ADAMTSL1: variants seen among roughly 807,000 people sequenced by gnomAD.
ADAMTSL1 encodes ADAMTS like 1.
Under a neutral mutation model 201.8 loss-of-function variants are expected in ADAMTSL1, and 126 were observed. That is an observed-to-expected ratio of 0.62 (90% confidence interval 0.54 to 0.72). ADAMTSL1 has a LOEUF of 0.72. Among genes scored for constraint, ADAMTSL1 ranks in the 30% least tolerant of loss-of-function variants. The probability of loss-of-function intolerance (pLI) is 0.00; values close to 1 mark genes in which losing one functional copy is unlikely to be tolerated. For missense variants in ADAMTSL1, 2,679 were observed against 2,277.8 expected, an observed-to-expected ratio of 1.18 and a Z score of -3.59; for synonymous variants, 1,121 against 903.4, an observed-to-expected ratio of 1.24 and a Z score of -4.32.
intron 15 of ADAMTSL1, among the ~76,000 whole-genome samples, chr9:18,738,192 T>G (rs1473033438): frequency 6.6e-6 from 1 of 152,222 alleles, no homozygotes; most frequent in Non-Finnish European, 1.5e-5. Flanking sequence ...TATTTTTCAC[T>G]AGGATAAGAA....
intron 24 of ADAMTSL1, among the ~76,000 whole-genome samples, chr9:18,889,080 ACT>A (rs1351040898): frequency 6.6e-6 from 1 of 152,120 alleles, no homozygotes; most frequent in Admixed American, 6.5e-5. Context: ...GTAAATAAGC[ACT>A]CTCTGCATAG....
At chr9:18,254,806 A>G (rs1293053523) in intron 2 of ADAMTSL1, among the ~76,000 whole-genome samples, 3 of 152,118 alleles carry the variant, frequency 2.0e-5, no homozygotes, top group Non-Finnish European at 4.4e-5. Flanking sequence ...TGTGGCAAGA[A>G]GGGGAAAATT....
chr9:18,496,245 G>C (rs181175661), intron 1 of ADAMTSL1, among the ~76,000 whole-genome samples: 1 of 152,172 alleles, frequency 6.6e-6, no homozygotes, highest in African/African-American at 2.4e-5. Context: ...GCAATACTAA[G>C]AGCTTATCAT....
intron 2 of ADAMTSL1, among the ~76,000 whole-genome samples, chr9:18,218,199 A>G (rs376236627): frequency 4.6e-5 from 7 of 152,328 alleles, no homozygotes; most frequent in Non-Finnish European, 5.9e-5. Flanking sequence ...AATATTGTAA[A>G]TGAGATTTGC....
chr9:18,174,157 G>C lies in ADAMTSL1; in HGVS notation c.207+10176G>C, dbSNP rs566284643. On this transcript the variant is annotated intron_variant, in intron 2 of 29. Coordinates refer to the ADAMTSL1 transcript ENST00000680146. The stretch of plus-strand genomic sequence containing the variant: ...CCAAAGAATAGTTTATTGCTTCCCT[G>C]TACTAAATGTCCTTAATATAAAGAG... 3.3e-5 allele frequency among the ~76,000 whole-genome samples: 5 copies of C among 152,192 alleles called. No homozygotes were observed. In the East Asian group the frequency reaches 9.7e-4, roughly 29 times the overall value.
At chr9:18,190,429 A>G (rs1828924521) in intron 2 of ADAMTSL1, among the ~76,000 whole-genome samples, 1 of 152,096 alleles carries the variant, frequency 6.6e-6, no homozygotes, top group African/African-American at 2.4e-5. Flanking sequence ...TGACCAGCAC[A>G]CTCTTGTACT....
intron 23 of ADAMTSL1, among the ~76,000 whole-genome samples, chr9:18,860,038 G>C (rs897840682): frequency 1.3e-5 from 2 of 152,224 alleles, no homozygotes; most frequent in Non-Finnish European, 2.9e-5. Flanking sequence ...TGATTGGAAA[G>C]AGAGACATTC....
intron 1 of ADAMTSL1, among the ~76,000 whole-genome samples, chr9:17,922,067 A>C (rs1826323591): frequency 1.4e-5 from 2 of 142,146 alleles, no homozygotes; most frequent in African/African-American, 5.2e-5. Flanking sequence ...GTATTCTCTA[A>C]GGTGTGATTG....
chr9:18,613,195 T>G (rs1825490492), intron 4 of ADAMTSL1, among the ~76,000 whole-genome samples: 1 of 152,144 alleles, frequency 6.6e-6, no homozygotes, highest in African/African-American at 2.4e-5. Flanking sequence ...TAGCTATTAT[T>G]AGAAGGTCAA....
intron 2 of ADAMTSL1, among the ~76,000 whole-genome samples, chr9:18,258,407 A>G (rs1259071013): frequency 6.6e-6 from 1 of 152,202 alleles, no homozygotes; most frequent in East Asian, 1.9e-4. Context: ...TCTGAGCCAG[A>G]AAGCCACATA....
At chr9:18,370,813 C>A (rs1448769283) in intron 2 of ADAMTSL1, among the ~76,000 whole-genome samples, 1 of 151,508 alleles carries the variant, frequency 6.6e-6, no homozygotes, top group East Asian at 1.9e-4. Context: ...TTGATATTAC[C>A]CTTGCTTTTT....
chr9:18,040,666 A>G (rs1328884497), intron 1 of ADAMTSL1, among the ~76,000 whole-genome samples: 2 of 152,218 alleles, frequency 1.3e-5, no homozygotes, highest in Non-Finnish European at 1.5e-5. Context: ...ATCTATGCAG[A>G]CAGAATTATT....
chr9:18,576,434 G>A (rs1822729877), intron 4 of ADAMTSL1, among the ~76,000 whole-genome samples: 2 of 152,266 alleles, frequency 1.3e-5, no homozygotes, highest in Admixed American at 1.3e-4. Context: ...GAAAATGACA[G>A]CATAGCTATA....
intron 4 of ADAMTSL1, among the ~76,000 whole-genome samples, chr9:18,615,333 G>A (rs979375522): frequency 6.6e-6 from 1 of 152,228 alleles, no homozygotes; most frequent in Admixed American, 6.5e-5. Flanking sequence ...GGGAGGGGTA[G>A]GAGGTGACCG....
intron 4 of ADAMTSL1, among the ~76,000 whole-genome samples, chr9:18,604,356 T>C (rs1824867870): frequency 6.6e-6 from 1 of 152,222 alleles, no homozygotes; most frequent in African/African-American, 2.4e-5. Flanking sequence ...CTAACACTTA[T>C]GGTTTACTCT....
At chr9:17,982,180 C>T (rs183074526) in intron 1 of ADAMTSL1, among the ~76,000 whole-genome samples, 272 of 152,282 alleles carry the variant, frequency 1.8e-3, no homozygotes, top group Admixed American at 9.5e-3. Flanking sequence ...ACATCTTATA[C>T]ACATTCATTA....
At chr9:18,741,357 T>G (rs1201263797) in intron 15 of ADAMTSL1, among the ~76,000 whole-genome samples, 20 of 152,068 alleles carry the variant, frequency 1.3e-4, no homozygotes, top group Admixed American at 1.3e-3. Flanking sequence ...TCTGTAAGAC[T>G]GCAAAGACAA....
intron 1 of ADAMTSL1, among the ~76,000 whole-genome samples, chr9:18,054,155 T>A (rs965373022): frequency 1.3e-5 from 2 of 152,236 alleles, no homozygotes; most frequent in Non-Finnish European, 2.9e-5. Context: ...TCTATAGTTA[T>A]GTATGTGTGT....
chr9:18,064,346 C>T (rs1339058496), intron 1 of ADAMTSL1, among the ~76,000 whole-genome samples: 2 of 152,102 alleles, frequency 1.3e-5, no homozygotes, highest in South Asian at 2.1e-4. Flanking sequence ...ACTGTAAATT[C>T]GTGGTAGCCT....
Sources: gnomAD v4.1 joint callset for allele counts (sites outside exome capture counted in the v4.1 genomes callset) on GRCh38, gnomAD v4.1.1 for gene constraint, MANE v1.5 for transcripts, NCBI Gene and HGNC (gene_info 2026-07-23, HGNC 2026-07-21) for gene names.